Variants in CLDN10 observed in about 807,000 individuals in gnomAD.
CLDN10 encodes the protein claudin-10.
A neutral mutation model predicts 22.9 loss-of-function variants in CLDN10; 15 were observed. The observed-to-expected ratio is 0.65, with a 90% CI of 0.44 to 1.01. The LOEUF (loss-of-function observed/expected upper bound fraction) is 1.01. CLDN10 is among the 50% of genes least tolerant of loss of function. The probability of loss-of-function intolerance (pLI) is 0.00; values close to 1 mark genes in which losing one functional copy is unlikely to be tolerated. For synonymous variants in CLDN10, 114 were observed against 111.4 expected (o/e 1.02, Z -0.15); for missense variants, 247 against 287.8 (o/e 0.86, Z 1.03).
chr13:95,566,654 T>C (rs1460333720), intron 3 of CLDN10, among the ~76,000 whole-genome samples: 1 of 152,240 alleles, frequency 6.6e-6, no homozygotes, highest in African/African-American at 2.4e-5. Context: ...TTTTGGCTTT[T>C]GTTGCCATTG....
chr13:95,557,415 G>A (rs1192756198), intron 1 of CLDN10, among the ~76,000 whole-genome samples: 5 of 152,164 alleles, frequency 3.3e-5, no homozygotes, highest in African/African-American at 1.2e-4. Flanking sequence ...ATCTGTGGGT[G>A]TTGTAAGGAC....
At chr13:95,558,978 C>G (rs2043672237) in intron 1 of CLDN10, among the ~76,000 whole-genome samples, 1 of 152,010 alleles carries the variant, frequency 6.6e-6, no homozygotes, top group African/African-American at 2.4e-5. Context: ...GTATGTACTC[C>G]CTAAATTCAT....
At chr13:95,512,418 G>A (rs2043114056) in intron 1 of CLDN10, among the ~76,000 whole-genome samples, 1 of 152,136 alleles carries the variant, frequency 6.6e-6, no homozygotes, top group African/African-American at 2.4e-5. Context: ...TTTTTGGTTT[G>A]TTTGTTTTGG....
intron 1 of CLDN10, among the ~76,000 whole-genome samples, chr13:95,449,713 A>C (rs2042414483): frequency 6.6e-6 from 1 of 150,428 alleles, no homozygotes; most frequent in South Asian, 2.1e-4. Flanking sequence ...CTATAGGTGC[A>C]CACCACCATG....
At chr13:95,458,402 G>A (rs1202272583) in intron 1 of CLDN10, among the ~76,000 whole-genome samples, 1 of 152,156 alleles carries the variant, frequency 6.6e-6, no homozygotes, top group African/African-American at 2.4e-5. Flanking sequence ...TTGAGACTGG[G>A]TAATTTATAA....
rs556333397 is a variant in CLDN10, at chr13:95,559,164, G to A, written c.221-968G>A. On this transcript the variant is annotated intron_variant, in intron 1 of 4. Transcript: ENST00000299339. ...GCTTAGCAGATACTTACTTACACCC[G>A]GTATGTGCTACTATCACTATTTTAG... 8.5e-5 allele frequency among the ~76,000 whole-genome samples: 13 copies of A among 152,168 alleles called. No individual in the cohort carries two copies. In the South Asian group the frequency reaches 1.2e-3, roughly 15 times the overall value.
chr13:95,575,663 G>A (rs2043914941), intron 3 of CLDN10, among the ~76,000 whole-genome samples: 2 of 151,246 alleles, frequency 1.3e-5, no homozygotes, highest in African/African-American at 4.9e-5. Flanking sequence ...GCCCCTTAAG[G>A]GAACCCGCTG....
upstream of CLDN10, among the ~76,000 whole-genome samples, chr13:95,552,128 A>C (rs1483081837): frequency 6.6e-6 from 1 of 152,274 alleles, no homozygotes; most frequent in Admixed American, 6.5e-5. Flanking sequence ...TCCGCATAGC[A>C]CCAGGCCAAA....
intron 1 of CLDN10, among the ~76,000 whole-genome samples, chr13:95,464,857 A>G (rs1256788763): frequency 1.3e-5 from 2 of 151,908 alleles, no homozygotes; most frequent in Non-Finnish European, 2.9e-5. Flanking sequence ...TCAGCCTCCC[A>G]AGTAGCTGGA....
chr13:95,480,606 G>A (rs2042736337), intron 1 of CLDN10, among the ~76,000 whole-genome samples: 1 of 152,178 alleles, frequency 6.6e-6, no homozygotes, highest in African/African-American at 2.4e-5. Flanking sequence ...TAAAACTCTG[G>A]TGTGAACCAG....
chr13:95,471,061 G>C (rs1213762700), intron 1 of CLDN10, among the ~76,000 whole-genome samples: 3 of 152,102 alleles, frequency 2.0e-5, no homozygotes, highest in Non-Finnish European at 2.9e-5. Flanking sequence ...GCATGAGCAC[G>C]GAAAAGGGTA....
At chr13:95,558,504 A>G (rs1209500967) in intron 1 of CLDN10, among the ~76,000 whole-genome samples, 8 of 152,354 alleles carry the variant, frequency 5.3e-5, no homozygotes, top group Admixed American at 5.2e-4. Flanking sequence ...ATGGAAGGTC[A>G]CTGTCCTTGC....
chr13:95,546,904 T>G (rs2043515124), intron 1 of CLDN10, among the ~76,000 whole-genome samples: 1 of 152,218 alleles, frequency 6.6e-6, no homozygotes, highest in African/African-American at 2.4e-5. Context: ...CTTTTCTCTT[T>G]GCAGTTTCTG....
At position 95,578,268 on chromosome 13, in the gene CLDN10, A is replaced by C; in HGVS notation, c.*254A>C. 3.5e-6 allele frequency: 1 copy of C among 282,776 alleles called. No individual in the cohort carries two copies. Among genetic ancestry groups the C allele is most frequent in the Non-Finnish European group, 6.6e-6 (1 of 150,954 alleles). The allele number at this position is 282,776 out of a possible 1,614,324, so 17.5% of individuals were successfully genotyped here. A position where few individuals can be genotyped will look rare whatever the true frequency, so the allele number is the denominator to read the frequency against. ...TAAAATGTTTTCTACATTTATATAG[A>C]ACATGAAAAGCATTTAGTACCAAAG... On this transcript the variant is annotated 3_prime_UTR_variant, in exon 5 of 5. Transcript: ENST00000299339.
intron 1 of CLDN10, among the ~76,000 whole-genome samples, chr13:95,485,313 G>A (rs906448798): frequency 4.6e-5 from 7 of 152,076 alleles, no homozygotes; most frequent in African/African-American, 7.2e-5. Context: ...TTGGCTAGAG[G>A]ACTTTATCCA....
chr13:95,494,629 C>T (rs2042908959), intron 1 of CLDN10, among the ~76,000 whole-genome samples: 1 of 152,144 alleles, frequency 6.6e-6, no homozygotes. Flanking sequence ...TCTACTTGTA[C>T]AATTGATTGC....
intron 1 of CLDN10, among the ~76,000 whole-genome samples, chr13:95,546,016 C>T (rs2043505866): frequency 6.6e-6 from 1 of 152,220 alleles, no homozygotes; most frequent in Middle Eastern, 3.2e-3. Context: ...GTGAGCCTTG[C>T]TCAGGATACC....
chr13:95,517,035 C>T (rs988505902), intron 1 of CLDN10, among the ~76,000 whole-genome samples: 4 of 145,900 alleles, frequency 2.7e-5, no homozygotes, highest in African/African-American at 1.0e-4. Context: ...CCCTCCCTCT[C>T]TCCCTTTTTT....
At chr13:95,531,664 A>C (rs987424527) in intron 1 of CLDN10, among the ~76,000 whole-genome samples, 12 of 150,736 alleles carry the variant, frequency 8.0e-5, no homozygotes, top group Non-Finnish European at 1.2e-4. Context: ...CAAGTAACTG[A>C]GACTACAGGC....
Sources: gnomAD v4.1 joint callset for allele counts (sites outside exome capture counted in the v4.1 genomes callset) on GRCh38, gnomAD v4.1.1 for gene constraint, MANE v1.5 for transcripts, NCBI Gene and HGNC (gene_info 2026-07-23, HGNC 2026-07-21) for gene names.